KIRREL3: variants seen among roughly 807,000 people sequenced by gnomAD.
The protein encoded by KIRREL3 is kirre like nephrin family adhesion molecule 3.
In KIRREL3, 36 loss-of-function variants were observed where a neutral mutation model predicts 89.7. The ratio of observed to expected loss-of-function variants is 0.40; its 90% CI spans 0.31 to 0.53. The LOEUF (loss-of-function observed/expected upper bound fraction) is 0.53, where lower values mean the gene tolerates loss of function less well. Among genes scored for constraint, KIRREL3 ranks in the 20% least tolerant of loss-of-function variants. The probability of loss-of-function intolerance (pLI) is 0.49; values close to 1 mark genes in which losing one functional copy is unlikely to be tolerated. For synonymous variants in KIRREL3, 445 were observed against 441.4 expected (o/e 1.01, Z -0.10); for missense variants, 864 against 1,056.6 (o/e 0.82, Z 2.53).
At chr11:126,967,840 C>T (rs2135202411) in intron 1 of KIRREL3, among the ~76,000 whole-genome samples, 1 of 152,186 alleles carries the variant, frequency 6.6e-6, no homozygotes, top group East Asian at 1.9e-4. Context: ...CAGGCACATA[C>T]TGGGTAGCTA....
In KIRREL3 at chr11:126,565,190, C is replaced by A. The variant is rs114268125; in HGVS notation, c.56-2278G>T. On this transcript the variant is annotated intron_variant, in intron 1 of 16. Transcript: ENST00000525144. The surrounding 1 kb of genome is among the most constrained non-coding windows in gnomAD (Gnocchi z 5.4). ...ACGCTCAGGCAAATGGAAGGGCGAA[C>A]AATTCTCTTACAGATTTAGAGAGTG... is the stretch of plus-strand genomic sequence containing the variant. Among the ~76,000 whole-genome samples, 732 of 152,214 alleles carry A rather than the reference C, an allele frequency of 4.8e-3. 3 individuals carry two copies. The highest frequency in any genetic ancestry group is 0.016 in the African/African-American group (684 of 41,524).
At chr11:126,933,470 AAT>A (rs1948044492) in intron 1 of KIRREL3, among the ~76,000 whole-genome samples, 1 of 151,060 alleles carries the variant, frequency 6.6e-6, no homozygotes, top group Non-Finnish European at 1.5e-5. Flanking sequence ...TTTCAAATTC[AAT>A]ATCAGATGCT....
In KIRREL3 at chr11:126,687,412, C is replaced by T. The variant is rs1946707976; in HGVS notation, c.56-124500G>A. Among the ~76,000 whole-genome samples the T allele has an allele frequency of 6.6e-6, 1 of 152,110 alleles. No homozygotes were observed. Among genetic ancestry groups the T allele is most frequent in the African/African-American group, 2.4e-5 (1 of 41,424 alleles). On this transcript the variant is annotated intron_variant, in intron 1 of 16. Transcript: ENST00000525144. The surrounding 1 kb of genome is among the most constrained non-coding windows in gnomAD (Gnocchi z 4.6). ...AAAATTTATATTTTTAACCTTGATA[C>T]CCAAGAAAGCAGGAAATCTCACCCA...
chr11:126,617,370 G>A (rs1414345885), intron 1 of KIRREL3, among the ~76,000 whole-genome samples: 1 of 152,238 alleles, frequency 6.6e-6, no homozygotes, highest in Non-Finnish European at 1.5e-5. Context: ...CTGCAGAGAA[G>A]TTTGGGGCTG....
At chr11:126,832,241 G>T (rs1592193500) in intron 1 of KIRREL3, among the ~76,000 whole-genome samples, 1 of 152,072 alleles carries the variant, frequency 6.6e-6, no homozygotes, top group Non-Finnish European at 1.5e-5. Context: ...CCTCCCTTTG[G>T]CTCAGTGCTG....
Position 126,614,650 on chromosome 11 carries a change from A to G in KIRREL3, c.56-51738T>C, listed in dbSNP as rs1424627138. Among the ~76,000 whole-genome samples the G allele has an allele frequency of 2.6e-5, 4 of 152,120 alleles. No homozygotes were observed. The highest frequency in any genetic ancestry group is 2.0e-4 in the Admixed American group (3 of 15,278). On this transcript the variant is annotated intron_variant, in intron 1 of 16. Transcript: ENST00000525144. The surrounding 1 kb of genome is among the most constrained non-coding windows in gnomAD (Gnocchi z 4.6). ...TGTCCCTCCAGATTTCTGGTTCCTCAGTGTTATGAGCTGGGCAGTGATGTC... is the reference window on the plus strand; with the variant it reads ...TGTCCCTCCAGATTTCTGGTTCCTCGGTGTTATGAGCTGGGCAGTGATGTC...
chr11:126,821,843 T>C (rs1197663658), intron 1 of KIRREL3, among the ~76,000 whole-genome samples: 2 of 152,108 alleles, frequency 1.3e-5, no homozygotes, highest in Non-Finnish European at 2.9e-5. Context: ...AGGGGACATA[T>C]GCCAAGGAAT....
At position 126,520,349 on chromosome 11, in the gene KIRREL3, G is replaced by A. The variant is rs1440603660; in HGVS notation, c.433+966C>T. Among the ~76,000 whole-genome samples, 2 of 152,166 alleles carry A rather than the reference G, an allele frequency of 1.3e-5. No individual in the cohort carries two copies. The highest frequency in any genetic ancestry group is 2.9e-5 in the Non-Finnish European group (2 of 68,018). ...CACGTGTAAGGGGGCAGCGAGGTGG[G>A]GCAGGTAGCCCTGGAGCCCTGGCCA... On this transcript the variant is annotated intron_variant, in intron 4 of 16. Transcript: ENST00000525144. This position sits in a 1 kb window ranked among gnomAD's most constrained non-coding sequence, Gnocchi z 4.9.
In KIRREL3 at chr11:126,513,317, G is replaced by A. The variant is rs1958287891; in HGVS notation, c.433+7998C>T. Among the ~76,000 whole-genome samples the A allele has an allele frequency of 6.6e-6, 1 of 152,150 alleles. No homozygotes were observed. The highest frequency in any genetic ancestry group is 1.5e-5 in the Non-Finnish European group (1 of 68,020). On this transcript the variant is annotated intron_variant, in intron 4 of 16. Coordinates refer to ENST00000525144, the MANE Select transcript of KIRREL3 (RefSeq NM_032531.4). The surrounding 1 kb of genome is among the most constrained non-coding windows in gnomAD (Gnocchi z 5.9). ...GAAGCTACCCCCAGATTTCAGTGGC[G>A]AGTGGGCACTTGGATAGGCAGTGTC... is the stretch of plus-strand genomic sequence containing the variant.
At chr11:126,950,299 G>A (rs967642714) in intron 1 of KIRREL3, among the ~76,000 whole-genome samples, 11 of 152,108 alleles carry the variant, frequency 7.2e-5, no homozygotes, top group East Asian at 5.8e-4. Flanking sequence ...CCTGGGAGAC[G>A]GAGATTGCAG....
Position 126,903,772 on chromosome 11 carries a change from G to A in KIRREL3, c.55+96683C>T, listed in dbSNP as rs548802319. Among the ~76,000 whole-genome samples the A allele has an allele frequency of 7.9e-5, 12 of 152,304 alleles. No homozygotes were observed. In the East Asian group the frequency reaches 2.3e-3, roughly 29 times the overall value. ...CACCTTAATAGGTCAACATAACAAT[G>A]GATGTTGCTGGTGGAAAAAATAAGA... is the stretch of plus-strand genomic sequence containing the variant. On this transcript the variant is annotated intron_variant, in intron 1 of 16. Coordinates refer to ENST00000525144, the MANE Select transcript of KIRREL3 (RefSeq NM_032531.4). This position sits in a 1 kb window ranked among gnomAD's most constrained non-coding sequence, Gnocchi z 4.5.
Position 126,755,780 on chromosome 11 carries a change from CT to C in KIRREL3, c.56-192869del, listed in dbSNP as rs1405691168. On this transcript the variant is annotated intron_variant, in intron 1 of 16. Transcript: ENST00000525144. The surrounding 1 kb of genome is among the most constrained non-coding windows in gnomAD (Gnocchi z 4.3). ...CCCTTCTTTGCACTTTTTCCACCCC[CT>C]CACCACTACCCTGAATGCGTGCTCG... Among the ~76,000 whole-genome samples, 2 of 151,930 alleles carry C rather than the reference CT, an allele frequency of 1.3e-5. No homozygotes were observed. The highest frequency in any genetic ancestry group is 2.4e-5 in the African/African-American group (1 of 41,338).
rs1958672104 is a variant in KIRREL3 at position 126,523,930 on chromosome 11, C to T, written c.284-2466G>A. ...GTTTGTTTGTATTTGCCTAATTAGG[C>T]AGTGAGCTGTGATGCTATCCCAAGG... On this transcript the variant is annotated intron_variant, in intron 3 of 16. Coordinates refer to ENST00000525144, the MANE Select transcript of KIRREL3 (RefSeq NM_032531.4). The surrounding 1 kb of genome is among the most constrained non-coding windows in gnomAD (Gnocchi z 4.9). Among the ~76,000 whole-genome samples the T allele has an allele frequency of 6.6e-6, 1 of 152,234 alleles. No homozygotes were observed. Among genetic ancestry groups the T allele is most frequent in the Non-Finnish European group, 1.5e-5 (1 of 68,050 alleles).
intron 1 of KIRREL3, among the ~76,000 whole-genome samples, chr11:126,596,108 C>T (rs1481736426): frequency 1.3e-5 from 2 of 152,160 alleles, no homozygotes; most frequent in Admixed American, 6.5e-5. Context: ...GAAAGCCCTA[C>T]GAGCCTGGCT....
At position 126,519,210 on chromosome 11, in the gene KIRREL3, A is replaced by G. The variant is rs1449643091; in HGVS notation, c.433+2105T>C. Among the ~76,000 whole-genome samples, 5 of 152,184 alleles carry G rather than the reference A, an allele frequency of 3.3e-5. No homozygotes were observed. The highest frequency in any genetic ancestry group is 5.9e-5 in the Non-Finnish European group (4 of 68,030). On this transcript the variant is annotated intron_variant, in intron 4 of 16. Transcript: ENST00000525144. The surrounding 1 kb of genome is among the most constrained non-coding windows in gnomAD (Gnocchi z 4.3). ...AGCGAATGCCTTTTAGACATGACCT[A>G]AGACAAAATCGGGTCTGTTCAGGTT...
chr11:126,914,865 G>A (rs954078734), intron 1 of KIRREL3, among the ~76,000 whole-genome samples: 2 of 152,194 alleles, frequency 1.3e-5, no homozygotes, highest in Admixed American at 1.3e-4. Context: ...CTTGCCAAAT[G>A]TACGTTGAAA....
chr11:126,432,086 C>T lies in KIRREL3; in HGVS notation c.1589-560G>A, dbSNP rs908587091. 6.6e-6 allele frequency among the ~76,000 whole-genome samples: 1 copy of T among 152,156 alleles called. No homozygotes were observed. The highest frequency in any genetic ancestry group is 1.5e-5 in the Non-Finnish European group (1 of 68,032). On this transcript the variant is annotated intron_variant, in intron 13 of 16. Coordinates refer to ENST00000525144, the MANE Select transcript of KIRREL3 (RefSeq NM_032531.4). The surrounding 1 kb of genome is among the most constrained non-coding windows in gnomAD (Gnocchi z 6.2). ...GGTCTGCTGGGCATCAGTTGTGGCC[C>T]TCAGGTGTCCAAGTCTCAGGGTCCA...
At chr11:126,504,177 C>T (rs1383358630) in intron 4 of KIRREL3, among the ~76,000 whole-genome samples, 4 of 152,124 alleles carry the variant, frequency 2.6e-5, no homozygotes, top group African/African-American at 9.7e-5. Context: ...TCTGTGACCC[C>T]TCTCTTTCTC....
rs546620520 is a variant in KIRREL3 at position 126,987,257 on chromosome 11, G to A, written c.55+13198C>T. Among the ~76,000 whole-genome samples the A allele has an allele frequency of 2.4e-3, 364 of 152,334 alleles. 1 individual carries two copies. The highest frequency in any genetic ancestry group is 4.4e-3 in the Non-Finnish European group (298 of 68,032). ...GATTCCTTTTCCATTGCAATTGTGA[G>A]TGAGCAAATCTAGCAGAGTCTATAG... is the stretch of plus-strand genomic sequence containing the variant. On this transcript the variant is annotated intron_variant, in intron 1 of 16. Transcript: ENST00000525144. The surrounding 1 kb of genome is among the most constrained non-coding windows in gnomAD (Gnocchi z 4.6).
Sources: gnomAD v4.1 joint callset for allele counts (sites outside exome capture counted in the v4.1 genomes callset) on GRCh38, gnomAD v4.1.1 for gene constraint, Gnocchi (gnomAD v3.1) non-coding constraint, MANE v1.5 for transcripts, NCBI Gene and HGNC (gene_info 2026-07-23, HGNC 2026-07-21) for gene names.